Variants in PROS1 observed in about 807,000 individuals in gnomAD.
PROS1 encodes the protein vitamin K-dependent protein S.
Under a neutral mutation model 75.9 loss-of-function variants are expected in PROS1, and 29 were observed. The ratio of observed to expected loss-of-function variants is 0.38; its 90% confidence interval spans 0.28 to 0.52. PROS1 has a LOEUF of 0.52. Ranked by LOEUF, PROS1 falls within the 20% of genes least tolerant of loss-of-function variation. PROS1 has a pLI of 0.83. For synonymous variants in PROS1, 245 were observed against 280.6 expected, an observed-to-expected ratio of 0.87 and a Z score of 1.27; for missense variants, 680 against 810.3, an observed-to-expected ratio of 0.84 and a Z score of 1.95.
intron 1 of PROS1, among the ~76,000 whole-genome samples, chr3:93,970,554 G>A (rs1242961959): frequency 6.6e-6 from 1 of 151,766 alleles, no homozygotes; most frequent in African/African-American, 2.4e-5. Flanking sequence ...TGCTGCCCAG[G>A]CTGGTCTTGA....
chr3:93,910,759 G>T, intron 3 of PROS1, 54 bp from the exon 4 acceptor site: 1 of 1,422,988 alleles, frequency 7.0e-7, no homozygotes, highest in South Asian at 1.2e-5. Context: ...TACTTGATCT[G>T]AATTCATGGT....
intron 1 of PROS1, among the ~76,000 whole-genome samples, chr3:93,960,530 CTCT>C (rs1236475426): frequency 9.2e-6 from 1 of 109,188 alleles, no homozygotes; most frequent in Non-Finnish European, 1.8e-5. Flanking sequence ...ACCTCCATTG[CTCT>C]TTTTTTTTTT....
At chr3:93,908,487 G>A (rs1466667620) in intron 4 of PROS1, among the ~76,000 whole-genome samples, 1 of 152,032 alleles carries the variant, frequency 6.6e-6, no homozygotes, top group African/African-American at 2.4e-5. Flanking sequence ...CAGAGAGAGG[G>A]AAAAAATGTG....
chr3:93,900,535 T>A lies in PROS1; in HGVS notation c.727+269A>T, dbSNP rs528742479. Among the ~76,000 whole-genome samples the A allele has an allele frequency of 3.3e-5, 5 of 152,324 alleles. No homozygotes were observed. In the East Asian group the frequency reaches 9.6e-4, roughly 29 times the overall value. ...TGATATAAATGATGTGAAAATATGT[T>A]TATCTTGTTTTTACCACACATGGAG... is the stretch of plus-strand genomic sequence containing the variant. On this transcript the variant is annotated intron_variant, in intron 7 of 14. Coordinates refer to ENST00000394236, the MANE Select transcript of PROS1 (RefSeq NM_000313.4).
chr3:93,960,674 G>T (rs1486155524), intron 1 of PROS1, among the ~76,000 whole-genome samples: 1 of 149,514 alleles, frequency 6.7e-6, no homozygotes, highest in Admixed American at 6.8e-5. Flanking sequence ...ATTTTGCCAA[G>T]CCATCAAGAT....
At chr3:93,879,782 A>G (rs1201725273) in intron 12 of PROS1, among the ~76,000 whole-genome samples, 1 of 152,238 alleles carries the variant, frequency 6.6e-6, no homozygotes, top group Non-Finnish European at 1.5e-5. Context: ...ATAGTTCGAT[A>G]CTAGAGAAAT....
chr3:93,917,898 C>A (rs112476035), intron 3 of PROS1, among the ~76,000 whole-genome samples: 3 of 152,138 alleles, frequency 2.0e-5, no homozygotes, highest in Non-Finnish European at 4.4e-5. Context: ...GCCATGAAGC[C>A]TCCTTGATGA....
intron 12 of PROS1, among the ~76,000 whole-genome samples, chr3:93,881,470 A>G (rs1195106689): frequency 6.6e-6 from 1 of 152,140 alleles, no homozygotes; most frequent in Non-Finnish European, 1.5e-5. Context: ...ACTACACAAT[A>G]TATCACAATA....
chr3:93,885,428 A>T (rs961554167), intron 11 of PROS1, among the ~76,000 whole-genome samples: 1 of 151,884 alleles, frequency 6.6e-6, no homozygotes, highest in Admixed American at 6.6e-5. Flanking sequence ...GTTTTGCTAC[A>T]TTGGCCAGGC....
intron 12 of PROS1, among the ~76,000 whole-genome samples, chr3:93,883,937 G>A (rs181274017): frequency 1.8e-4 from 27 of 152,278 alleles, no homozygotes; most frequent in Admixed American, 4.6e-4. Context: ...GTGACAAAGT[G>A]AGACTCCATC....
chr3:93,955,559 C>T (rs377418739), intron 1 of PROS1, among the ~76,000 whole-genome samples: 2 of 151,416 alleles, frequency 1.3e-5, no homozygotes, highest in Non-Finnish European at 2.9e-5. Context: ...GAGAACATAA[C>T]ACAGGACGGC....
intron 1 of PROS1, among the ~76,000 whole-genome samples, chr3:93,952,531 G>C (rs1214430896): frequency 6.6e-6 from 1 of 152,088 alleles, no homozygotes; most frequent in Non-Finnish European, 1.5e-5. Flanking sequence ...TGAAACCAAT[G>C]AGAACAAAGA....
Position 93,970,975 on chromosome 3 carries a change from C to A in PROS1, c.76+2699G>T, listed in dbSNP as rs117612585. 3.2e-4 allele frequency among the ~76,000 whole-genome samples: 49 copies of A among 152,180 alleles called. 1 individual carries two copies. The East Asian group carries it at 7.7e-3, about 24-fold the overall frequency. ...ATAGTGCCTGTGAATAGCCACTGCA[C>A]TCCGGTCTGGGCAAGATTTTTTTTA... On this transcript the variant is annotated intron_variant, in intron 1 of 14. Coordinates refer to ENST00000394236, the MANE Select transcript of PROS1 (RefSeq NM_000313.4).
At position 93,873,981 on chromosome 3, in the gene PROS1, A is replaced by G; in HGVS notation, c.*264T>C. The G allele has an allele frequency of 2.6e-6, 1 of 385,568 alleles. No individual in the cohort carries two copies. Among genetic ancestry groups the G allele is most frequent in the Non-Finnish European group, 4.7e-6 (1 of 213,590 alleles). The allele number at this position is 385,568 out of a possible 1,614,324, so 23.9% of individuals were successfully genotyped here. Reference sequence around the variant, plus strand: ...AATTTAGTTTTACAAACAAAAATTGAAACTGTCATTTGTAGGAAAAAAATT... The same window carrying G: ...AATTTAGTTTTACAAACAAAAATTGGAACTGTCATTTGTAGGAAAAAAATT... On this transcript the variant is annotated 3_prime_UTR_variant, in exon 15 of 15. Coordinates refer to ENST00000394236, the MANE Select transcript of PROS1 (RefSeq NM_000313.4).
chr3:93,883,103 C>G (rs1461866076), intron 12 of PROS1, among the ~76,000 whole-genome samples: 1 of 152,114 alleles, frequency 6.6e-6, no homozygotes, highest in Non-Finnish European at 1.5e-5. Context: ...CCCAGGGATA[C>G]AACACCTGCC....
intron 1 of PROS1, among the ~76,000 whole-genome samples, chr3:93,938,742 G>C (rs986738613): frequency 6.6e-6 from 1 of 152,158 alleles, no homozygotes; most frequent in African/African-American, 2.4e-5. Context: ...CCAAAACTCT[G>C]GTGCTGGTCA....
intron 3 of PROS1, among the ~76,000 whole-genome samples, chr3:93,920,908 A>C (rs1449924845): frequency 1.3e-5 from 2 of 152,160 alleles, no homozygotes; most frequent in African/African-American, 4.8e-5. Flanking sequence ...TGAAGTGTGA[A>C]AATTTGGAAG....
At chr3:93,919,467 C>T (rs572815401) in intron 3 of PROS1, among the ~76,000 whole-genome samples, 23 of 145,854 alleles carry the variant, frequency 1.6e-4, no homozygotes, top group African/African-American at 3.0e-4. Flanking sequence ...GTTTTTCCTG[C>T]GGATTTGAAA....
chr3:93,951,384 A>G (rs1264881558), intron 1 of PROS1, among the ~76,000 whole-genome samples: 1 of 152,264 alleles, frequency 6.6e-6, no homozygotes, highest in African/African-American at 2.4e-5. Context: ...CCATCAGACT[A>G]ATAGCAGATC....
Sources: allele counts gnomAD v4.1 joint callset (sites outside exome capture counted in the v4.1 genomes callset), GRCh38; gene constraint gnomAD v4.1.1; transcripts MANE v1.5; gene names NCBI Gene and HGNC (gene_info 2026-07-23, HGNC 2026-07-21).